The following OLFML2A variants were observed in gnomAD, a reference collection of about 807,000 sequenced individuals.
The protein encoded by OLFML2A is olfactomedin-like protein 2A.
Under a neutral mutation model 60.9 loss-of-function variants are expected in OLFML2A, and 47 were observed. The observed-to-expected ratio is 0.77, with a 90% CI of 0.61 to 0.98. OLFML2A has a LOEUF of 0.98. Ranked by LOEUF, OLFML2A falls within the 50% of genes least tolerant of loss-of-function variation. OLFML2A has a pLI of 0.00. For missense variants in OLFML2A, 922 were observed against 879.8 expected (o/e 1.05, Z -0.61); for synonymous variants, 372 against 375.0 (o/e 0.99, Z 0.09).
chr9:124,799,906 C>T (rs1166557086), intron 4 of OLFML2A, among the ~76,000 whole-genome samples: 1 of 152,180 alleles, frequency 6.6e-6, no homozygotes, highest in Non-Finnish European at 1.5e-5. Context: ...GTGGGCAATG[C>T]CTCAGGGACC....
chr9:124,784,773 G>A (rs1172749992), intron 1 of OLFML2A, among the ~76,000 whole-genome samples: 2 of 151,932 alleles, frequency 1.3e-5, no homozygotes, highest in Non-Finnish European at 2.9e-5. Flanking sequence ...ACTCCTGGAA[G>A]CCACTAATCT....
intron 1 of OLFML2A, among the ~76,000 whole-genome samples, chr9:124,785,777 A>G (rs1841459001): frequency 6.6e-6 from 1 of 151,962 alleles, no homozygotes; most frequent in Non-Finnish European, 1.5e-5. Context: ...TTTTATGTTT[A>G]ACTTATTGAG....
intron 1 of OLFML2A, among the ~76,000 whole-genome samples, chr9:124,784,943 GTTT>G (rs750733365): frequency 8.2e-4 from 57 of 69,582 alleles, no homozygotes; most frequent in African/African-American, 3.3e-3. Flanking sequence ...CCTTTTACTT[GTTT>G]TTTTTTTTTT....
At chr9:124,783,340 C>T (rs1841398396) in intron 1 of OLFML2A, among the ~76,000 whole-genome samples, 1 of 152,106 alleles carries the variant, frequency 6.6e-6, no homozygotes, top group African/African-American at 2.4e-5. Context: ...GACATGGTGG[C>T]ACATGCCTGT....
rs1841279510 is a variant in OLFML2A, at chr9:124,777,460, G to A, written c.90+100G>A. On this transcript the variant is annotated intron_variant, in intron 1 of 7. Coordinates refer to ENST00000373580, the MANE Select transcript of OLFML2A (RefSeq NM_182487.4). This position sits in a 1 kb window ranked among gnomAD's most constrained non-coding sequence, Gnocchi z 6.2. ...CCGGGAGGGAGCCCGGGGCCAGGGC[G>A]GAGGAGCCGGGAGCTGAGAGACCGA... The A allele has an allele frequency of 7.9e-6, 9 of 1,136,968 alleles. No homozygotes were observed. Among genetic ancestry groups the A allele is most frequent in the Non-Finnish European group, 8.8e-6 (8 of 908,606 alleles). The allele number at this position is 1,136,968 out of a possible 1,614,324, so 70.4% of individuals were successfully genotyped here.
At chr9:124,793,983 G>A (rs1489539256) in intron 2 of OLFML2A, among the ~76,000 whole-genome samples, 2 of 152,196 alleles carry the variant, frequency 1.3e-5, no homozygotes, top group Non-Finnish European at 2.9e-5. Context: ...AGGCTGCAGT[G>A]AGCTAGGATC....
chr9:124,797,110 G>C (rs1410175786), intron 3 of OLFML2A, among the ~76,000 whole-genome samples: 2 of 152,168 alleles, frequency 1.3e-5, no homozygotes, highest in East Asian at 3.9e-4. Context: ...CTCCCAAGTA[G>C]CTGGGACTGC....
intron 1 of OLFML2A, among the ~76,000 whole-genome samples, chr9:124,784,259 A>G (rs546434938): frequency 2.0e-5 from 3 of 151,770 alleles, no homozygotes; most frequent in Non-Finnish European, 2.9e-5. Flanking sequence ...GCTGGAGTGA[A>G]GTGGCACGAT....
At chr9:124,807,700 C>T (rs1003746971) in intron 6 of OLFML2A, 81 bp from the exon 7 acceptor site, 5 of 1,122,970 alleles carry the variant, frequency 4.5e-6, no homozygotes, top group Non-Finnish European at 6.2e-6. Flanking sequence ...AAGTTAGACC[C>T]AGATAACATT....
In OLFML2A at chr9:124,801,821, A is replaced by G. The variant is rs558812944; in HGVS notation, c.919+158A>G. 5.9e-5 allele frequency among the ~76,000 whole-genome samples: 9 copies of G among 152,182 alleles called. No homozygotes were observed. In the South Asian group the frequency reaches 1.9e-3, roughly 32 times the overall value. ...CATTCACATATGAGGATAACACCCC[A>G]CTCAGGGGGTCATTGGGATGAGATG... On this transcript the variant is annotated intron_variant, in intron 5 of 7. Coordinates refer to ENST00000373580, the MANE Select transcript of OLFML2A (RefSeq NM_182487.4).
At position 124,778,372 on chromosome 9, in the gene OLFML2A, G is replaced by GA. The variant is rs550076922; in HGVS notation, c.90+1024dup. On this transcript the variant is annotated intron_variant, in intron 1 of 7. Coordinates refer to ENST00000373580, the MANE Select transcript of OLFML2A (RefSeq NM_182487.4). ...CGAGACTCCGTGTCAAAAAAAAAAA[G>GA]AAAAAAAAAAAATACTTAGCACCAG... 1.6e-3 allele frequency among the ~76,000 whole-genome samples: 219 copies of GA among 136,718 alleles called. 1 individual carries two copies. The highest frequency in any genetic ancestry group is 3.8e-3 in the Middle Eastern group (1 of 260). The allele number at this position is 136,718 out of a possible 152,430, so 89.7% of individuals were successfully genotyped here.
intron 1 of OLFML2A, among the ~76,000 whole-genome samples, chr9:124,784,943 G>GTTGTTTTTTTTTT (rs1841429446): frequency 5.8e-5 from 4 of 69,542 alleles, no homozygotes; most frequent in African/African-American, 2.6e-4. Flanking sequence ...CCTTTTACTT[G>GTTGTTTTTTTTTT]TTTTTTTTTT....
At chr9:124,800,783 A>G (rs2131269192) in intron 4 of OLFML2A, 1 of 1,270,306 alleles carries the variant, frequency 7.9e-7, no homozygotes, top group South Asian at 1.5e-5. Flanking sequence ...ACGATGAGTG[A>G]TGTCACAGGC....
At chr9:124,795,160 G>T in intron 3 of OLFML2A, 29 bp downstream of exon 3, 1 of 1,361,686 alleles carries the variant, frequency 7.3e-7, no homozygotes, top group Non-Finnish European at 1.0e-6. Context: ...CCAGAGGCCA[G>T]GCTGCTCTGG....
intron 2 of OLFML2A, among the ~76,000 whole-genome samples, 156 bp from the exon 3 acceptor site, chr9:124,794,868 C>T (rs939759774): frequency 2.0e-5 from 3 of 151,956 alleles, no homozygotes; most frequent in South Asian, 2.1e-4. Context: ...GTGATCCACC[C>T]GCCTGGGCCT....
chr9:124,806,923 A>G (rs558619134), intron 6 of OLFML2A, among the ~76,000 whole-genome samples: 1 of 150,368 alleles, frequency 6.7e-6, no homozygotes, highest in Non-Finnish European at 1.5e-5. Context: ...TTATTTATTT[A>G]TTTTTTTTGA....
In OLFML2A at chr9:124,777,340, C is replaced by G; in HGVS notation, c.70C>G (p.Pro24Ala). Residue 24 changes from proline (P) to alanine (A), a missense_variant, in exon 1 of 8, where the codon CCC becomes GCC. Pro to Ala is a conservative substitution (Grantham distance 27). Transcript: ENST00000373580. This position sits in a 1 kb window ranked among gnomAD's most constrained non-coding sequence, Gnocchi z 6.2. ...GCTAGTGCTGCTGCTGAGCGGCCGCCCCACGCGCGCCGACAGTAAGGTACG... is the reference window on the plus strand; with the variant it reads ...GCTAGTGCTGCTGCTGAGCGGCCGCGCCACGCGCGCCGACAGTAAGGTACG... The part of the protein sequence containing the change: ...LPLVLLLSGR[P>A]TRADSKVFGD... 7.8e-7 allele frequency: 1 copy of G among 1,290,148 alleles called. No homozygotes were observed. Among genetic ancestry groups the G allele is most frequent in the Non-Finnish European group, 9.9e-7 (1 of 1,013,942 alleles). The allele number at this position is 1,290,148 out of a possible 1,614,324, so 79.9% of individuals were successfully genotyped here.
intron 2 of OLFML2A, among the ~76,000 whole-genome samples, chr9:124,789,009 T>C (rs1841529315): frequency 6.6e-6 from 1 of 152,182 alleles, no homozygotes; most frequent in East Asian, 1.9e-4. Context: ...CACAGTTCAC[T>C]GCAGCCTCAA....
rs565263813 is a variant in OLFML2A at position 124,801,281 on chromosome 9, G to T, written c.670-133G>T. The T allele has an allele frequency of 4.7e-5, 48 of 1,020,162 alleles. No homozygotes were observed. In the South Asian group the frequency reaches 7.4e-4, roughly 16 times the overall value. 63.2% of individuals were successfully genotyped at this position (1,020,162 alleles called of 1,614,324 possible). A position where few individuals can be genotyped will look rare whatever the true frequency, so the allele number is the denominator to read the frequency against. On this transcript the variant is annotated intron_variant, in intron 4 of 7. Transcript: ENST00000373580. ...CCATGGTGGGGTAAAGGAAAGCTGT[G>T]ACTTTGTGAGTGCTTGGGACATAGG...
Sources: allele counts gnomAD v4.1 joint callset (sites outside exome capture counted in the v4.1 genomes callset), GRCh38; gene constraint gnomAD v4.1.1; non-coding constraint Gnocchi (gnomAD v3.1); transcripts MANE v1.5; gene names NCBI Gene and HGNC (gene_info 2026-07-23, HGNC 2026-07-21).